The following CNTN1 variants were observed in gnomAD, a reference collection of about 807,000 sequenced individuals.
CNTN1 encodes the protein contactin-1.
A neutral mutation model predicts 126.4 loss-of-function variants in CNTN1; 38 were observed. That is an observed-to-expected ratio of 0.30 (90% CI 0.23 to 0.39). CNTN1 has a LOEUF of 0.39. Ranked by LOEUF, CNTN1 falls within the 10% of genes least tolerant of loss-of-function variation. CNTN1 has a pLI of 1.00. For missense variants in CNTN1, 1,009 were observed against 1,248.4 expected, an observed-to-expected ratio of 0.81 and a Z score of 2.89; for synonymous variants, 413 against 422.6, an observed-to-expected ratio of 0.98 and a Z score of 0.28.
At chr12:40,970,336 T>C (rs1947463163) in intron 15 of CNTN1, among the ~76,000 whole-genome samples, 1 of 151,922 alleles carries the variant, frequency 6.6e-6, no homozygotes, top group African/African-American at 2.4e-5. Flanking sequence ...AAAAAGAATA[T>C]ATCTAAAATT....
intron 1 of CNTN1, among the ~76,000 whole-genome samples, chr12:40,855,450 CTTTT>C (rs1274399712): frequency 1.3e-5 from 2 of 151,468 alleles, no homozygotes; most frequent in African/African-American, 2.4e-5. Context: ...CCATTTTTTT[CTTTT>C]TAATTTCTAT....
intron 1 of CNTN1, among the ~76,000 whole-genome samples, chr12:40,817,718 T>G (rs965488461): frequency 6.6e-6 from 1 of 151,956 alleles, no homozygotes; most frequent in Non-Finnish European, 1.5e-5. Context: ...ATGATGCTAT[T>G]TGGCTATTTT....
chr12:40,857,456 T>G (rs1297799087), intron 1 of CNTN1, among the ~76,000 whole-genome samples: 1 of 152,006 alleles, frequency 6.6e-6, no homozygotes, highest in Non-Finnish European at 1.5e-5. Context: ...CTTAGGAACT[T>G]TGATGAAAGT....
chr12:40,949,983 A>T (rs555433521), intron 14 of CNTN1, among the ~76,000 whole-genome samples: 1 of 152,136 alleles, frequency 6.6e-6, no homozygotes, highest in South Asian at 2.1e-4. Flanking sequence ...AGCCGAAAAA[A>T]ATTAGAGCAG....
In CNTN1 at chr12:40,738,255, A is replaced by T. The variant is rs191914271; in HGVS notation, c.-77+45663A>T. Among the ~76,000 whole-genome samples, 4 of 152,180 alleles carry T rather than the reference A, an allele frequency of 2.6e-5. No homozygotes were observed. In the East Asian group the frequency reaches 7.7e-4, roughly 29 times the overall value. On this transcript the variant is annotated intron_variant, in intron 1 of 23. Transcript: ENST00000551295. ...AACTTATATTGATGTCATTATATGG[A>T]TACACCAACTAGTGCGGGAAAAGAA... is the stretch of plus-strand genomic sequence containing the variant.
chr12:40,934,513 AT>A (rs35787929), intron 9 of CNTN1, among the ~76,000 whole-genome samples: 26,183 of 150,972 alleles, frequency 0.17, 2,261 homozygotes, highest in Middle Eastern at 0.2. Flanking sequence ...GGGAAGACAG[AT>A]TTTTTTTCAG....
rs572585813 is a variant in CNTN1 at position 40,742,017 on chromosome 12, A to G, written c.-77+49425A>G. 2.6e-5 allele frequency among the ~76,000 whole-genome samples: 4 copies of G among 152,134 alleles called. No homozygotes were observed. The East Asian group carries it at 7.7e-4, about 29-fold the overall frequency. ...CTTTCAAAACTTCCAAGAGTTTTGT[A>G]TATATATTCTGAAGAAATGAGACAA... is the stretch of plus-strand genomic sequence containing the variant. On this transcript the variant is annotated intron_variant, in intron 1 of 23. Transcript: ENST00000551295.
At chr12:40,985,735 A>G (rs1170720677) in intron 16 of CNTN1, among the ~76,000 whole-genome samples, 1 of 152,124 alleles carries the variant, frequency 6.6e-6, no homozygotes, top group East Asian at 1.9e-4. Context: ...CAACTTTGGA[A>G]AATTCTTAGC....
At chr12:40,693,891 A>G (rs1249727582) in intron 1 of CNTN1, among the ~76,000 whole-genome samples, 2 of 152,164 alleles carry the variant, frequency 1.3e-5, no homozygotes, top group Non-Finnish European at 2.9e-5. Context: ...GTAAAGATCA[A>G]TATTTCATAT....
chr12:41,039,071 T>C (rs896402964), intron 23 of CNTN1, among the ~76,000 whole-genome samples: 1 of 152,190 alleles, frequency 6.6e-6, no homozygotes, highest in African/African-American at 2.4e-5. Flanking sequence ...ATCTGAATCA[T>C]AGAGTTTTAT....
At chr12:41,068,290 G>A (rs1030447608) in intron 23 of CNTN1, among the ~76,000 whole-genome samples, 1 of 152,088 alleles carries the variant, frequency 6.6e-6, no homozygotes, top group African/African-American at 2.4e-5. Context: ...TACATAATGA[G>A]CCAACATAGT....
At chr12:40,720,711 G>A (rs372192384) in intron 1 of CNTN1, among the ~76,000 whole-genome samples, 9 of 152,054 alleles carry the variant, frequency 5.9e-5, no homozygotes, top group South Asian at 2.1e-4. Flanking sequence ...AGTGGATCAC[G>A]AGGTCAGGAG....
chr12:40,985,904 C>T (rs759236595), intron 16 of CNTN1, among the ~76,000 whole-genome samples: 4 of 151,740 alleles, frequency 2.6e-5, no homozygotes, highest in African/African-American at 4.8e-5. Context: ...TGTTTATCTG[C>T]GTGTCTGTGT....
intron 1 of CNTN1, among the ~76,000 whole-genome samples, chr12:40,751,892 G>A (rs562046200): frequency 2.7e-4 from 41 of 152,150 alleles, no homozygotes; most frequent in African/African-American, 9.9e-4. Flanking sequence ...CTATAAGAAG[G>A]TGCTAATTGA....
At chr12:40,888,475 C>T (rs555697196) in intron 1 of CNTN1, among the ~76,000 whole-genome samples, 2 of 152,156 alleles carry the variant, frequency 1.3e-5, no homozygotes, top group East Asian at 3.9e-4. Flanking sequence ...AAAAGTAGTA[C>T]TGGAAACATA....
chr12:40,854,979 G>A (rs193172075), intron 1 of CNTN1, among the ~76,000 whole-genome samples: 18 of 152,192 alleles, frequency 1.2e-4, no homozygotes, highest in African/African-American at 4.1e-4. Context: ...GGAGGTGATA[G>A]GGAAGGCAAT....
At position 40,773,690 on chromosome 12, in the gene CNTN1, TATACAC is replaced by T. The variant is rs1939456265; in HGVS notation, c.-77+81102_-77+81107del. Among the ~76,000 whole-genome samples, 4 of 8,812 alleles carry T rather than the reference TATACAC, an allele frequency of 4.5e-4. 1 individual carries two copies. Among genetic ancestry groups the T allele is most frequent in the Admixed American group, 1.4e-3 (1 of 732 alleles). The allele number at this position is 8,812 out of a possible 152,430, so 5.8% of individuals were successfully genotyped here. ...ATATATATACACATATATATATATATATACACATATATATATATATATATACACATA... is the reference window on the plus strand; with the variant it reads ...ATATATATACACATATATATATATATATATATATATATATATATACACATA... On this transcript the variant is annotated intron_variant, in intron 1 of 23. Transcript: ENST00000551295.
At chr12:40,939,242 A>G in intron 11 of CNTN1, 93 bp from the exon 12 acceptor site, 1 of 1,327,964 alleles carries the variant, frequency 7.5e-7, no homozygotes, top group Non-Finnish European at 1.1e-6. Flanking sequence ...CTTTCCATTA[A>G]CTATTAAGGA....
At chr12:40,842,010 AATAAAT>A (rs1279447024) in intron 1 of CNTN1, among the ~76,000 whole-genome samples, 1 of 151,338 alleles carries the variant, frequency 6.6e-6, no homozygotes, top group Non-Finnish European at 1.5e-5. Flanking sequence ...TAAAAAAAGA[AATAAAT>A]AAAAAGATAT....
Sources: allele counts gnomAD v4.1 joint callset (sites outside exome capture counted in the v4.1 genomes callset), GRCh38; gene constraint gnomAD v4.1.1; transcripts MANE v1.5; gene names NCBI Gene and HGNC (gene_info 2026-07-23, HGNC 2026-07-21).